CDH18: variants seen among roughly 807,000 people sequenced by gnomAD.
CDH18 encodes cadherin 18.
A neutral mutation model predicts 67.9 loss-of-function variants in CDH18; 31 were observed. That is an observed-to-expected ratio of 0.46 (90% CI 0.34 to 0.62). CDH18 has a LOEUF of 0.62. Among genes scored for constraint, CDH18 ranks in the 20% least tolerant of loss-of-function variants. The pLI is 0.01. For missense variants in CDH18, 890 were observed against 975.5 expected (o/e 0.91, Z 1.17); for synonymous variants, 362 against 347.2 (o/e 1.04, Z -0.48).
intron 1 of CDH18, among the ~76,000 whole-genome samples, chr5:20,372,941 AG>A (rs1359864619): frequency 6.6e-6 from 1 of 152,138 alleles, no homozygotes; most frequent in African/African-American, 2.4e-5. Flanking sequence ...TTACATCTTA[AG>A]GATGTTTTCT....
intron 2 of CDH18, among the ~76,000 whole-genome samples, chr5:20,178,754 T>C (rs757543365): frequency 2.6e-5 from 4 of 152,082 alleles, no homozygotes; most frequent in Admixed American, 2.6e-4. Flanking sequence ...CCATGTAGAT[T>C]TGAGTCATAC....
chr5:20,074,831 T>C (rs1050232072), intron 2 of CDH18, among the ~76,000 whole-genome samples: 1 of 152,096 alleles, frequency 6.6e-6, no homozygotes, highest in African/African-American at 2.4e-5. Flanking sequence ...CTTTGGGCAT[T>C]AAAATGGCAA....
At chr5:19,589,042 GA>G (rs1474526270) in intron 7 of CDH18, among the ~76,000 whole-genome samples, 1 of 151,968 alleles carries the variant, frequency 6.6e-6, no homozygotes, top group Non-Finnish European at 1.5e-5. Context: ...TCTGGCTCTA[GA>G]AGATATCTAT....
rs1741457191 is a variant in CDH18, at chr5:19,571,808, A to T, written c.1024T>A (p.Ser342Thr). ...KKPLNYEKKKSYTLNIEGANT... is the reference protein window; with the variant it reads ...KKPLNYEKKKTYTLNIEGANT... ...GCTCCTTCTATGTTGAGGGTATATGACTTCTTTTTCTCATAGTTCAGTGGC... is the reference window on the plus strand; with the variant it reads ...GCTCCTTCTATGTTGAGGGTATATGTCTTCTTTTTCTCATAGTTCAGTGGC... Residue 342 changes from serine to threonine, a missense_variant, in exon 8 of 13, where the codon TCA becomes ACA. Ser to Thr is a moderately conservative substitution (Grantham distance 58, BLOSUM62 1). Around this residue, in one of 2 missense-constraint regions of CDH18, gnomAD observed 656 missense variants for 668.1 expected, o/e 0.98. Coordinates refer to ENST00000382275, the MANE Select transcript of CDH18 (RefSeq NM_004934.5). 8 of 1,613,306 alleles carry T rather than the reference A, an allele frequency of 5.0e-6. No individual in the cohort carries two copies. Among genetic ancestry groups the T allele is most frequent in the South Asian group, 2.2e-5 (2 of 91,034 alleles).
intron 1 of CDH18, among the ~76,000 whole-genome samples, chr5:20,468,058 A>AAC (rs1751780567): frequency 3.3e-5 from 5 of 151,328 alleles, no homozygotes; most frequent in Non-Finnish European, 7.4e-5. Flanking sequence ...TTTGTTGCCC[A>AAC]GGCTGGAGTA....
chr5:20,040,994 A>G (rs1352504602), intron 2 of CDH18, among the ~76,000 whole-genome samples: 1 of 152,180 alleles, frequency 6.6e-6, no homozygotes, highest in African/African-American at 2.4e-5. Context: ...TGATCATCTC[A>G]TTTAATTTAT....
intron 2 of CDH18, among the ~76,000 whole-genome samples, chr5:20,067,789 T>C (rs1161938578): frequency 1.3e-5 from 2 of 152,132 alleles, no homozygotes; most frequent in Non-Finnish European, 2.9e-5. Context: ...TATAGGTCTC[T>C]GTATATATTA....
rs10079915 is a variant in CDH18, at chr5:19,960,808, C to T, written c.-257+20252G>A. 1.8e-3 allele frequency among the ~76,000 whole-genome samples: 270 copies of T among 147,228 alleles called. 2 individuals are homozygous for T. Among genetic ancestry groups the T allele is most frequent in the African/African-American group, 6.1e-3 (245 of 39,852 alleles). On this transcript the variant is annotated intron_variant, in intron 2 of 12. Coordinates refer to ENST00000382275, the MANE Select transcript of CDH18 (RefSeq NM_004934.5). ...ATATATGTGTATATATGTATATATACACACACACACGCACACAAATATACA... is the reference window on the plus strand; with the variant it reads ...ATATATGTGTATATATGTATATATATACACACACACGCACACAAATATACA...
intron 2 of CDH18, among the ~76,000 whole-genome samples, chr5:19,860,542 G>T (rs1784787336): frequency 6.8e-6 from 1 of 147,366 alleles, no homozygotes. Flanking sequence ...TTTTTATATT[G>T]GTCTGACTTG....
At chr5:19,898,718 G>T (rs1364618303) in intron 2 of CDH18, among the ~76,000 whole-genome samples, 1 of 151,894 alleles carries the variant, frequency 6.6e-6, no homozygotes, top group African/African-American at 2.4e-5. Flanking sequence ...AAATCATAGG[G>T]GAAATGTTTC....
intron 1 of CDH18, among the ~76,000 whole-genome samples, chr5:20,414,499 C>T (rs1161426280): frequency 6.6e-6 from 1 of 152,148 alleles, no homozygotes; most frequent in Non-Finnish European, 1.5e-5. Context: ...TGAAAAACTT[C>T]CTATTATTAT....
At chr5:19,915,971 T>C (rs1303584796) in intron 2 of CDH18, among the ~76,000 whole-genome samples, 1 of 152,174 alleles carries the variant, frequency 6.6e-6, no homozygotes, top group Non-Finnish European at 1.5e-5. Context: ...TCTGTACTAA[T>C]ACTCAGACTT....
chr5:20,193,600 G>C (rs1419246091), intron 2 of CDH18, among the ~76,000 whole-genome samples: 1 of 152,020 alleles, frequency 6.6e-6, no homozygotes, highest in Non-Finnish European at 1.5e-5. Flanking sequence ...TTCATTTTAT[G>C]AAGCCAACAT....
At chr5:20,544,232 C>T (rs764402319) in intron 1 of CDH18, among the ~76,000 whole-genome samples, 3 of 151,926 alleles carry the variant, frequency 2.0e-5, no homozygotes, top group Non-Finnish European at 2.9e-5. Flanking sequence ...CACAAGCATA[C>T]CTCACAGATG....
chr5:19,820,148 T>C (rs1469535983), intron 3 of CDH18, among the ~76,000 whole-genome samples: 1 of 152,126 alleles, frequency 6.6e-6, no homozygotes, highest in African/African-American at 2.4e-5. Context: ...ATGTCTGATG[T>C]ATGGGTTTGT....
intron 3 of CDH18, among the ~76,000 whole-genome samples, chr5:19,837,856 G>A (rs1781856087): frequency 6.6e-6 from 1 of 152,130 alleles, no homozygotes; most frequent in African/African-American, 2.4e-5. Context: ...CTACTGCTGT[G>A]CTTGCTGTTT....
intron 2 of CDH18, among the ~76,000 whole-genome samples, chr5:20,083,884 A>G (rs1217364170): frequency 6.6e-6 from 1 of 152,138 alleles, no homozygotes; most frequent in Non-Finnish European, 1.5e-5. Context: ...CCATGATTCA[A>G]TTACCTCCCA....
At chr5:20,198,481 G>A (rs183219275) in intron 2 of CDH18, among the ~76,000 whole-genome samples, 1 of 152,310 alleles carries the variant, frequency 6.6e-6, no homozygotes, top group Admixed American at 6.5e-5. Flanking sequence ...TTGAACTTAA[G>A]AGAGATGATT....
chr5:20,273,348 C>T (rs906639239), intron 1 of CDH18, among the ~76,000 whole-genome samples: 1 of 151,428 alleles, frequency 6.6e-6, no homozygotes, highest in Non-Finnish European at 1.5e-5. Context: ...TCAAAGAGCT[C>T]GAGAGATTAA....
Sources: gnomAD v4.1 joint callset for allele counts (sites outside exome capture counted in the v4.1 genomes callset) on GRCh38, gnomAD v4.1.1 for gene constraint, gnomAD v4.1.1 regional missense constraint, MANE v1.5 for transcripts, NCBI Gene and HGNC (gene_info 2026-07-23, HGNC 2026-07-21) for gene names.